LDLRAD4: variants seen among roughly 807,000 people sequenced by gnomAD.
The protein encoded by LDLRAD4 is low density lipoprotein receptor class A domain containing 4.
In LDLRAD4, 5 loss-of-function variants were observed where a neutral mutation model predicts 17.0. The observed-to-expected ratio is 0.29, with a 90% CI of 0.15 to 0.62. LDLRAD4 has a LOEUF of 0.62. LDLRAD4 is among the 20% of genes least tolerant of loss of function. The probability of loss-of-function intolerance (pLI) is 0.84; values close to 1 mark genes in which losing one functional copy is unlikely to be tolerated. For synonymous variants in LDLRAD4, 168 were observed against 171.8 expected (o/e 0.98, Z 0.17); for missense variants, 340 against 424.7 (o/e 0.80, Z 1.75).
chr18:13,610,944 C>T (rs1185095510), intron 3 of LDLRAD4, among the ~76,000 whole-genome samples: 4 of 152,162 alleles, frequency 2.6e-5, no homozygotes, highest in Admixed American at 1.3e-4. Flanking sequence ...ATTTCCCTCG[C>T]GGCTGTATAT....
chr18:13,349,813 G>T (rs1345100557), intron 1 of LDLRAD4, among the ~76,000 whole-genome samples: 1 of 151,740 alleles, frequency 6.6e-6, no homozygotes, highest in East Asian at 1.9e-4. Flanking sequence ...GCCCCAGTGT[G>T]TGTTGATCCT....
At chr18:13,619,417 CAG>C (rs939812466) in intron 3 of LDLRAD4, among the ~76,000 whole-genome samples, 5 of 149,764 alleles carry the variant, frequency 3.3e-5, no homozygotes, top group South Asian at 2.1e-4. Flanking sequence ...CTCGAAGACT[CAG>C]AGCAATTTCA....
At chr18:13,376,707 C>T (rs11873614) in intron 1 of LDLRAD4, among the ~76,000 whole-genome samples, 25 of 152,280 alleles carry the variant, frequency 1.6e-4, no homozygotes, top group African/African-American at 6.0e-4. Flanking sequence ...TCCAGAGGGG[C>T]CAGTTCTGTC....
At chr18:13,519,362 A>T (rs2093918341) in intron 3 of LDLRAD4, among the ~76,000 whole-genome samples, 1 of 151,928 alleles carries the variant, frequency 6.6e-6, no homozygotes, top group Admixed American at 6.6e-5. Flanking sequence ...GGAGCCGGGG[A>T]GCTGGGGTCA....
At position 13,635,923 on chromosome 18, in the gene LDLRAD4, C is replaced by T. The variant is rs73415955; in HGVS notation, c.337-7436C>T. Among the ~76,000 whole-genome samples, 157 of 130,360 alleles carry T rather than the reference C, an allele frequency of 1.2e-3. 1 individual carries two copies. The highest frequency in any genetic ancestry group is 4.6e-3 in the African/African-American group (151 of 32,774). 85.5% of individuals were successfully genotyped at this position (130,360 alleles called of 152,430 possible). A position where few individuals can be genotyped will look rare whatever the true frequency, so the allele number is the denominator to read the frequency against. On this transcript the variant is annotated intron_variant, in intron 4 of 5. Coordinates refer to ENST00000359446, the Ensembl canonical transcript of LDLRAD4. ...TTCCAAGTGTACGCAGCAGAGAAGA[C>T]AGCTATGCTGTGTGTGTGTGTGTGT... is the stretch of plus-strand genomic sequence containing the variant.
intron 3 of LDLRAD4, among the ~76,000 whole-genome samples, chr18:13,450,699 G>A (rs1000673549): frequency 1.3e-5 from 2 of 152,190 alleles, no homozygotes; most frequent in Non-Finnish European, 2.9e-5. Flanking sequence ...GGCCCACAAA[G>A]TTGTGGCACG....
At chr18:13,225,534 T>C (rs2041737263) in intron 1 of LDLRAD4, among the ~76,000 whole-genome samples, 1 of 152,246 alleles carries the variant, frequency 6.6e-6, no homozygotes, top group Non-Finnish European at 1.5e-5. Flanking sequence ...GTCTGGGCCC[T>C]GTCCACTCTG....
intron 3 of LDLRAD4, among the ~76,000 whole-genome samples, chr18:13,565,976 C>CTGT (rs2094596047): frequency 6.6e-6 from 1 of 152,234 alleles, no homozygotes; most frequent in African/African-American, 2.4e-5. Flanking sequence ...CAAGGCACGC[C>CTGT]ATTCGTCCAT....
At chr18:13,393,166 G>A (rs375810756) in intron 2 of LDLRAD4, among the ~76,000 whole-genome samples, 64 of 152,136 alleles carry the variant, frequency 4.2e-4, no homozygotes, top group African/African-American at 1.4e-3. Flanking sequence ...GCTGACCCAC[G>A]GATGCCCTCA....
In LDLRAD4 at chr18:13,298,898, C is replaced by T. The variant is rs182647011; in HGVS notation, c.-383+20710C>T. 1.5e-4 allele frequency among the ~76,000 whole-genome samples: 23 copies of T among 152,356 alleles called. No homozygotes were observed. The East Asian group carries it at 3.9e-3, about 26-fold the overall frequency. On this transcript the variant is annotated intron_variant, in intron 1 of 5. Transcript: ENST00000359446. ...GTCATGCGTAGTCTGACCATGTGGG[C>T]TTGTCCAAAATTACTCCATTCTTGA... is the stretch of plus-strand genomic sequence containing the variant.
At chr18:13,263,030 CTG>C (rs1391018496) in intron 1 of LDLRAD4, among the ~76,000 whole-genome samples, 9 of 126,394 alleles carry the variant, frequency 7.1e-5, no homozygotes, top group South Asian at 2.6e-4. Context: ...CCGTGCGGCT[CTG>C]TGTGCGTGGG....
Position 13,440,348 on chromosome 18 carries a change from A to AT in LDLRAD4, c.181+1970dup, listed in dbSNP as rs1028572582. 4.0e-5 allele frequency among the ~76,000 whole-genome samples: 6 copies of AT among 151,758 alleles called. No individual in the cohort carries two copies. The highest frequency in any genetic ancestry group is 1.5e-4 in the African/African-American group (6 of 41,248). On this transcript the variant is annotated intron_variant, in intron 3 of 5. Transcript: ENST00000359446. This position sits in a 1 kb window ranked among gnomAD's most constrained non-coding sequence, Gnocchi z 4.4. ...CTATCTCCAGATCGCTTTTCCACTC[A>AT]TTTTTTAAAATGCGAGCACTTTAAT...
Position 13,622,102 on chromosome 18 carries a change from C to T in LDLRAD4, c.336+831C>T, listed in dbSNP as rs574023274. Among the ~76,000 whole-genome samples the T allele has an allele frequency of 6.6e-6, 1 of 152,272 alleles. No individual in the cohort carries two copies. Among genetic ancestry groups the T allele is most frequent in the African/African-American group, 2.4e-5 (1 of 41,532 alleles). ...CCTGCGGTATGCTGAGCACAGGAGC[C>T]GGTCCTTACGGAGCATCCCTCTTCA... On this transcript the variant is annotated intron_variant, in intron 4 of 5. Transcript: ENST00000359446. This position sits in a 1 kb window ranked among gnomAD's most constrained non-coding sequence, Gnocchi z 5.3.
At chr18:13,586,409 A>AAAAAAAAAAAAAAAG in intron 3 of LDLRAD4, among the ~76,000 whole-genome samples, 1 of 146,208 alleles carries the variant, frequency 6.8e-6, no homozygotes, top group African/African-American at 2.5e-5. Flanking sequence ...TCTGTCTCAA[A>AAAAAAAAAAAAAAAG]AAAAAAAAAA....
intron 3 of LDLRAD4, among the ~76,000 whole-genome samples, chr18:13,496,695 C>A (rs1007426761): frequency 6.6e-6 from 1 of 152,146 alleles, no homozygotes; most frequent in Non-Finnish European, 1.5e-5. Flanking sequence ...GAGTCAAAGT[C>A]CCCCATACTC....
Position 13,568,694 on chromosome 18 carries a change from G to A in LDLRAD4, c.182-52423G>A, listed in dbSNP as rs8095169. Among the ~76,000 whole-genome samples, 1,372 of 152,278 alleles carry A rather than the reference G, an allele frequency of 9.0e-3. 23 individuals are homozygous for A. The highest frequency in any genetic ancestry group is 0.031 in the African/African-American group (1,282 of 41,544). ...CAGAATAAAAACGAGTGCACTTCACGCCCCACATCAGGACCTGTGGCCTTC... is the reference window on the plus strand; with the variant it reads ...CAGAATAAAAACGAGTGCACTTCACACCCCACATCAGGACCTGTGGCCTTC... On this transcript the variant is annotated intron_variant, in intron 3 of 5. Transcript: ENST00000359446.
intron 1 of LDLRAD4, among the ~76,000 whole-genome samples, chr18:13,256,272 C>G (rs1307901154): frequency 6.6e-6 from 1 of 152,120 alleles, no homozygotes; most frequent in African/African-American, 2.4e-5. Flanking sequence ...CATCCTCCTG[C>G]CATTTGAGGT....
rs899679628 is a variant in LDLRAD4 at position 13,367,592 on chromosome 18, G to C, written c.-382-19749G>C. 1.9e-4 allele frequency among the ~76,000 whole-genome samples: 29 copies of C among 152,334 alleles called. No homozygotes were observed. Among genetic ancestry groups the C allele is most frequent in the Admixed American group, 9.8e-4 (15 of 15,304 alleles). The stretch of plus-strand genomic sequence containing the variant: ...TGCCAAGCGAGTGGACAGAGGGTCT[G>C]CAGGCCACTCAGTGGCTGAGAGGGT... On this transcript the variant is annotated intron_variant, in intron 1 of 5. Coordinates refer to ENST00000359446, the Ensembl canonical transcript of LDLRAD4. This position sits in a 1 kb window ranked among gnomAD's most constrained non-coding sequence, Gnocchi z 4.1.
At chr18:13,263,983 G>GA (rs148090492) in intron 1 of LDLRAD4, among the ~76,000 whole-genome samples, 7,103 of 148,676 alleles carry the variant, frequency 0.048, 515 homozygotes, top group African/African-American at 0.16. Flanking sequence ...TTTAATTAAA[G>GA]AAAAAAAAAA....
Sources: allele counts gnomAD v4.1 joint callset (sites outside exome capture counted in the v4.1 genomes callset), GRCh38; gene constraint gnomAD v4.1.1; non-coding constraint Gnocchi (gnomAD v3.1); transcripts MANE v1.5; gene names NCBI Gene and HGNC (gene_info 2026-07-23, HGNC 2026-07-21).